OLA1: variants seen among roughly 807,000 people sequenced by gnomAD.
The protein encoded by OLA1 is obg-like ATPase 1.
OLA1 carries 14 observed loss-of-function variants against 48.4 expected under a neutral mutation model. The ratio of observed to expected loss-of-function variants is 0.29; its 90% CI spans 0.19 to 0.45. The LOEUF is 0.45. Ranked by LOEUF, OLA1 falls within the 20% of genes least tolerant of loss-of-function variation. OLA1 has a pLI of 1.00. For missense variants in OLA1, 325 were observed against 467.1 expected (o/e 0.70, Z 2.80); for synonymous variants, 127 against 150.4 (o/e 0.84, Z 1.14).
intron 7 of OLA1, among the ~76,000 whole-genome samples, chr2:174,122,590 A>G (rs578111347): frequency 6.6e-6 from 1 of 152,170 alleles, no homozygotes; most frequent in Non-Finnish European, 1.5e-5. Context: ...TGAACATATA[A>G]TTTTCTGAAG....
chr2:174,091,083 C>T lies in OLA1; in HGVS notation c.729-9019G>A, dbSNP rs375109731. On this transcript the variant is annotated intron_variant, in intron 7 of 10. Coordinates refer to ENST00000284719, the MANE Select transcript of OLA1 (RefSeq NM_013341.5). ...TCCACAGAAATCTCCTAGCACAATG[C>T]CTGGCACATAGTGGGTGCTCAAATA... Among the ~76,000 whole-genome samples the T allele has an allele frequency of 2.6e-5, 4 of 152,326 alleles. No individual in the cohort carries two copies. In the South Asian group the frequency reaches 6.2e-4, roughly 24 times the overall value.
At chr2:174,088,329 G>A (rs1263403162) in intron 7 of OLA1, among the ~76,000 whole-genome samples, 2 of 152,106 alleles carry the variant, frequency 1.3e-5, no homozygotes, top group African/African-American at 4.8e-5. Flanking sequence ...GAGTCCCAAA[G>A]CATGACTTCA....
intron 2 of OLA1, among the ~76,000 whole-genome samples, chr2:174,245,353 A>G (rs1689102824): frequency 6.6e-6 from 1 of 152,182 alleles, no homozygotes; most frequent in South Asian, 2.1e-4. Context: ...ACACTTGCTC[A>G]TGTTTTACAT....
intron 4 of OLA1, among the ~76,000 whole-genome samples, chr2:174,188,606 A>G (rs1186136582): frequency 1.3e-5 from 2 of 152,144 alleles, no homozygotes; most frequent in Non-Finnish European, 2.9e-5. Context: ...TAAGTGTAAG[A>G]AAATGGCTGC....
chr2:174,167,243 G>A (rs1687186942), intron 4 of OLA1, among the ~76,000 whole-genome samples: 1 of 152,178 alleles, frequency 6.6e-6, no homozygotes, highest in Non-Finnish European at 1.5e-5. Flanking sequence ...CTACATGAGA[G>A]ATAGGACTCT....
chr2:174,183,925 A>T (rs1228121316), intron 4 of OLA1, among the ~76,000 whole-genome samples: 1 of 151,978 alleles, frequency 6.6e-6, no homozygotes, highest in African/African-American at 2.4e-5. Context: ...CAATAGAAAA[A>T]CTGGGGCTTT....
intron 4 of OLA1, among the ~76,000 whole-genome samples, chr2:174,194,327 G>C (rs925727761): frequency 7.9e-5 from 12 of 152,138 alleles, no homozygotes; most frequent in African/African-American, 2.7e-4. Flanking sequence ...TTGCTGGCCT[G>C]GACTCAACCT....
chr2:174,226,209 A>G lies in OLA1; in HGVS notation c.246-3049T>C, dbSNP rs1384583262. On this transcript the variant is annotated intron_variant, in intron 3 of 10. Transcript: ENST00000284719. The stretch of plus-strand genomic sequence containing the variant: ...GCGAGACTCCGTCTCAAAAAAAAAA[A>G]AAAAAAAAGAAAATGAGCTTCTCAA... Among the ~76,000 whole-genome samples the G allele has an allele frequency of 7.5e-5, 3 of 39,970 alleles. 1 individual carries two copies. In the Admixed American group the frequency reaches 8.2e-4, roughly 11 times the overall value. 26.2% of individuals were successfully genotyped at this position (39,970 alleles called of 152,430 possible).
chr2:174,147,047 A>G lies in OLA1; in HGVS notation c.374-5047T>C, dbSNP rs145008006. ...GATGGTCAACCAACTGACACCACAC[A>G]TACCATCAAGAGCAGCAGAAGAAAA... On this transcript the variant is annotated intron_variant, in intron 4 of 10. Transcript: ENST00000284719. Among the ~76,000 whole-genome samples the G allele has an allele frequency of 8.2e-3, 1,253 of 152,240 alleles. 21 individuals carry two copies. The highest frequency in any genetic ancestry group is 0.028 in the African/African-American group (1,149 of 41,530).
chr2:174,108,900 CTGTT>C, intron 7 of OLA1, among the ~76,000 whole-genome samples: 1 of 152,272 alleles, frequency 6.6e-6, no homozygotes, highest in South Asian at 2.1e-4. Flanking sequence ...TGCTTTCAGG[CTGTT>C]TGTGTTCACC....
chr2:174,230,601 C>T (rs907381691), intron 2 of OLA1, among the ~76,000 whole-genome samples: 1 of 152,148 alleles, frequency 6.6e-6, no homozygotes, highest in Non-Finnish European at 1.5e-5. Flanking sequence ...CTGACCAACA[C>T]TTTACATGTT....
At chr2:174,236,995 A>C (rs375790572) in intron 2 of OLA1, among the ~76,000 whole-genome samples, 1 of 151,976 alleles carries the variant, frequency 6.6e-6, no homozygotes, top group Admixed American at 6.6e-5. Context: ...ATTTTTTAAT[A>C]TTTTTCTTTC....
chr2:174,135,385 G>C (rs1328161772), intron 5 of OLA1, among the ~76,000 whole-genome samples: 2 of 152,050 alleles, frequency 1.3e-5, no homozygotes, highest in Non-Finnish European at 2.9e-5. Flanking sequence ...TTTAATCAAG[G>C]GAATAACATG....
chr2:174,169,748 ATATCT>A (rs1687251620), intron 4 of OLA1, among the ~76,000 whole-genome samples: 1 of 152,366 alleles, frequency 6.6e-6, no homozygotes, highest in African/African-American at 2.4e-5. Flanking sequence ...AAAATGGCAG[ATATCT>A]TAGTAAGTGC....
In OLA1 at chr2:174,169,579, A is replaced by C. The variant is rs958461261; in HGVS notation, c.374-27579T>G. Among the ~76,000 whole-genome samples the C allele has an allele frequency of 6.6e-5, 10 of 152,382 alleles. No homozygotes were observed. In the South Asian group the frequency reaches 2.1e-3, roughly 32 times the overall value. Reference sequence around the variant, plus strand: ...TTATACCCAGCAAAAATATTCTTAAAGAATGAATCTTGTAATAAAAACATT... The same window carrying C: ...TTATACCCAGCAAAAATATTCTTAACGAATGAATCTTGTAATAAAAACATT... On this transcript the variant is annotated intron_variant, in intron 4 of 10. Coordinates refer to ENST00000284719, the MANE Select transcript of OLA1 (RefSeq NM_013341.5).
chr2:174,205,353 C>T (rs1381824537), intron 4 of OLA1, among the ~76,000 whole-genome samples: 1 of 114,650 alleles, frequency 8.7e-6, no homozygotes. Flanking sequence ...TGCACCTTCA[C>T]ACCTAATACT....
intron 4 of OLA1, among the ~76,000 whole-genome samples, chr2:174,218,760 C>T (rs999947805): frequency 3.3e-5 from 5 of 152,062 alleles, no homozygotes; most frequent in African/African-American, 9.7e-5. Flanking sequence ...CAGCAAACCC[C>T]AGGGGTGGGA....
intron 7 of OLA1, among the ~76,000 whole-genome samples, chr2:174,100,924 A>G (rs1250781529): frequency 6.6e-6 from 1 of 152,106 alleles, no homozygotes; most frequent in African/African-American, 2.4e-5. Context: ...CCATTTTCCT[A>G]TTGATGGACA....
At chr2:174,112,288 T>C (rs1397798396) in intron 7 of OLA1, among the ~76,000 whole-genome samples, 1 of 152,230 alleles carries the variant, frequency 6.6e-6, no homozygotes, top group African/African-American at 2.4e-5. Context: ...ACTGGTTATG[T>C]AACTTTGGCC....
Sources: allele counts gnomAD v4.1 joint callset (sites outside exome capture counted in the v4.1 genomes callset), GRCh38; gene constraint gnomAD v4.1.1; transcripts MANE v1.5; gene names NCBI Gene and HGNC (gene_info 2026-07-23, HGNC 2026-07-21).